TSC22D1: variants seen among roughly 807,000 people sequenced by gnomAD.
TSC22D1 encodes the protein TSC22 domain family protein 1.
A neutral mutation model predicts 74.2 loss-of-function variants in TSC22D1; 9 were observed. The ratio of observed to expected loss-of-function variants is 0.12; its 90% CI spans 0.07 to 0.21. The LOEUF (loss-of-function observed/expected upper bound fraction) is 0.21. Among genes scored for constraint, TSC22D1 ranks in the 10% least tolerant of loss-of-function variants. TSC22D1 has a pLI of 1.00. For synonymous variants in TSC22D1, 586 were observed against 492.5 expected (o/e 1.19, Z -2.51); for missense variants, 1,427 against 1,304.7 (o/e 1.09, Z -1.44).
rs1874249123 is a variant in TSC22D1, at chr13:44,433,690, G to A, written c.*936C>T. 7.6e-6 allele frequency: 3 copies of A among 394,768 alleles called. No individual in the cohort carries two copies. Among genetic ancestry groups the A allele is most frequent in the Non-Finnish European group, 1.3e-5 (3 of 223,134 alleles). 24.5% of individuals were successfully genotyped at this position (394,768 alleles called of 1,614,324 possible). On this transcript the variant is annotated 3_prime_UTR_variant, in exon 3 of 3. Transcript: ENST00000458659. ...AATCCATTTCATTAGTTAGAACTGA[G>A]CATTTTTCAAAGTATTCAACCAGCT... is the stretch of plus-strand genomic sequence containing the variant.
chr13:44,574,809 A>G lies in TSC22D1; in HGVS notation c.1266T>C (p.Gly422=). Residue 422 remains glycine (G), a synonymous_variant, in exon 1 of 3, where the codon GGT becomes GGC. Coordinates refer to ENST00000458659, the MANE Select transcript of TSC22D1 (RefSeq NM_183422.4). ...CATAGAACTCAGTGCAAGTCCATCT[A>G]CCTTTTTTAAAGGGCTCAGAACTAG... is the stretch of plus-strand genomic sequence containing the variant. ...LDSSSEPFKK[G]RWTCTEFYEK... 1.2e-6 allele frequency: 2 copies of G among 1,614,048 alleles called. No individual in the cohort carries two copies. Among genetic ancestry groups the G allele is most frequent in the African/African-American group, 1.3e-5 (1 of 75,012 alleles).
chr13:44,545,789 C>T (rs1003444641), intron 1 of TSC22D1, among the ~76,000 whole-genome samples: 1 of 151,858 alleles, frequency 6.6e-6, no homozygotes, highest in Non-Finnish European at 1.5e-5. Flanking sequence ...CCAGCCTGGC[C>T]AACATGGTGA....
At chr13:44,446,641 AACACTATTGCTGT>A (rs1443706994) in intron 1 of TSC22D1, among the ~76,000 whole-genome samples, 7 of 152,124 alleles carry the variant, frequency 4.6e-5, no homozygotes, top group Non-Finnish European at 1.0e-4. Flanking sequence ...CAAAACAAAC[AACACTATTGCTGT>A]ACACTAAAAA....
chr13:44,549,050 T>C (rs1352840962), intron 1 of TSC22D1, among the ~76,000 whole-genome samples: 4 of 152,164 alleles, frequency 2.6e-5, no homozygotes, highest in Non-Finnish European at 2.9e-5. Flanking sequence ...AAACAGTCTT[T>C]AGTTTATTAC....
chr13:44,548,545 T>C (rs1294489620), intron 1 of TSC22D1, among the ~76,000 whole-genome samples: 3 of 152,224 alleles, frequency 2.0e-5, no homozygotes, highest in African/African-American at 7.2e-5. Context: ...GCAAGTTAAC[T>C]TGTTTTGCCA....
intron 1 of TSC22D1, among the ~76,000 whole-genome samples, chr13:44,513,418 G>A (rs1595129154): frequency 6.6e-6 from 1 of 152,144 alleles, no homozygotes; most frequent in African/African-American, 2.4e-5. Flanking sequence ...TTAAATCACT[G>A]CTAGAAATGA....
chr13:44,542,920 G>A (rs1881567370), intron 1 of TSC22D1, among the ~76,000 whole-genome samples: 1 of 152,020 alleles, frequency 6.6e-6, no homozygotes, highest in South Asian at 2.1e-4. Context: ...TCTTCTATGT[G>A]ATATTTTAAG....
intron 1 of TSC22D1, among the ~76,000 whole-genome samples, chr13:44,478,043 CA>C (rs1878005387): frequency 6.6e-6 from 1 of 151,752 alleles, no homozygotes; most frequent in African/African-American, 2.4e-5. Flanking sequence ...ATATAAAAAG[CA>C]AATAGTAAAA....
intron 1 of TSC22D1, among the ~76,000 whole-genome samples, chr13:44,449,414 G>A (rs987411950): frequency 6.6e-6 from 1 of 152,214 alleles, no homozygotes; most frequent in African/African-American, 2.4e-5. Flanking sequence ...GTGAGAAGAC[G>A]AGTTAGAGGA....
Position 44,536,820 on chromosome 13 carries a change from G to A in TSC22D1, c.2912+36343C>T, listed in dbSNP as rs1029964729. Reference sequence around the variant, plus strand: ...CTGGAAACTAATCAGGAAAGATGATGCTAATCAGGAAAATGCAAAAACATA... The same window carrying A: ...CTGGAAACTAATCAGGAAAGATGATACTAATCAGGAAAATGCAAAAACATA... On this transcript the variant is annotated intron_variant, in intron 1 of 2. Transcript: ENST00000458659. 3 of 982,472 alleles carry A rather than the reference G, an allele frequency of 3.1e-6. No individual in the cohort carries two copies. In the African/African-American group the frequency reaches 5.3e-5, roughly 17 times the overall value. The allele number at this position is 982,472 out of a possible 1,614,324, so 60.9% of individuals were successfully genotyped here.
chr13:44,529,593 T>C (rs1418053523), intron 1 of TSC22D1, among the ~76,000 whole-genome samples: 2 of 152,040 alleles, frequency 1.3e-5, no homozygotes, highest in African/African-American at 2.4e-5. Flanking sequence ...TCCTAGCTAG[T>C]GCAATAAGCA....
At position 44,560,716 on chromosome 13, in the gene TSC22D1, C is replaced by T. The variant is rs141619259; in HGVS notation, c.2912+12447G>A. 2.0e-3 allele frequency among the ~76,000 whole-genome samples: 299 copies of T among 152,282 alleles called. 5 individuals are homozygous for T. The highest frequency in any genetic ancestry group is 6.8e-3 in the African/African-American group (281 of 41,554). The stretch of plus-strand genomic sequence containing the variant: ...TACAGTGGAGGCAATACGACTAAAA[C>T]ATGGTTTATACTTGTCCATAGCTCA... On this transcript the variant is annotated intron_variant, in intron 1 of 2. Coordinates refer to ENST00000458659, the MANE Select transcript of TSC22D1 (RefSeq NM_183422.4).
At chr13:44,462,962 T>G (rs1877078988) in intron 1 of TSC22D1, among the ~76,000 whole-genome samples, 1 of 152,184 alleles carries the variant, frequency 6.6e-6, no homozygotes, top group African/African-American at 2.4e-5. Flanking sequence ...TTATAAAGAT[T>G]TTAGATGCAT....
intron 1 of TSC22D1, among the ~76,000 whole-genome samples, chr13:44,514,355 T>C (rs1051663689): frequency 6.6e-6 from 1 of 151,936 alleles, no homozygotes; most frequent in African/African-American, 2.4e-5. Context: ...AAGGAAACTT[T>C]GATGAATTTG....
At chr13:44,556,250 C>A (rs930909428) in intron 1 of TSC22D1, among the ~76,000 whole-genome samples, 4 of 151,300 alleles carry the variant, frequency 2.6e-5, no homozygotes, top group Admixed American at 6.6e-5. Context: ...ACCACCACCA[C>A]CACCATCTCT....
chr13:44,444,550 C>T (rs1228302930), intron 1 of TSC22D1, among the ~76,000 whole-genome samples: 1 of 151,704 alleles, frequency 6.6e-6, no homozygotes, highest in Non-Finnish European at 1.5e-5. Flanking sequence ...AAGTAGACTG[C>T]AGTGCAAAGA....
chr13:44,531,581 G>GTTCTT (rs144287054), intron 1 of TSC22D1, among the ~76,000 whole-genome samples: 16,244 of 152,076 alleles, frequency 0.11, 923 homozygotes, highest in Non-Finnish European at 0.12. Flanking sequence ...GTAAATGTTT[G>GTTCTT]TTCTTATTTT....
intron 1 of TSC22D1, among the ~76,000 whole-genome samples, chr13:44,529,775 C>T (rs1372426271): frequency 6.6e-6 from 1 of 152,084 alleles, no homozygotes; most frequent in African/African-American, 2.4e-5. Flanking sequence ...CTTTCCCATA[C>T]ACCAGCAATG....
intron 1 of TSC22D1, among the ~76,000 whole-genome samples, chr13:44,528,773 C>T (rs772319990): frequency 1.3e-5 from 2 of 151,886 alleles, no homozygotes; most frequent in Non-Finnish European, 2.9e-5. Flanking sequence ...CAATAAAAGA[C>T]ACCAAAAAAT....
Sources: gnomAD v4.1 joint callset for allele counts (sites outside exome capture counted in the v4.1 genomes callset) on GRCh38, gnomAD v4.1.1 for gene constraint, MANE v1.5 for transcripts, NCBI Gene and HGNC (gene_info 2026-07-23, HGNC 2026-07-21) for gene names.